The following CPA6 variants were observed in gnomAD, a reference collection of about 807,000 sequenced individuals.
CPA6 encodes the protein carboxypeptidase B.
CPA6 carries 58 observed loss-of-function variants against 63.3 expected under a neutral mutation model. The ratio of observed to expected loss-of-function variants is 0.92; its 90% CI spans 0.74 to 1.14. The LOEUF is 1.14. Ranked by LOEUF, CPA6 falls within the 50% of genes most tolerant of loss-of-function variation. CPA6 has a pLI of 0.00. For synonymous variants in CPA6, 185 were observed against 179.0 expected, an observed-to-expected ratio of 1.03 and a Z score of -0.27; for missense variants, 565 against 526.6, an observed-to-expected ratio of 1.07 and a Z score of -0.71.
chr8:67,478,201 G>A (rs1455527389), intron 8 of CPA6, among the ~76,000 whole-genome samples: 2 of 152,180 alleles, frequency 1.3e-5, no homozygotes, highest in South Asian at 2.1e-4. Context: ...ACTGGATTCC[G>A]AGAGCTCCGG....
At chr8:67,611,195 G>A (rs1338221387) in intron 2 of CPA6, among the ~76,000 whole-genome samples, 1 of 151,902 alleles carries the variant, frequency 6.6e-6, no homozygotes, top group Non-Finnish European at 1.5e-5. Context: ...TGATTCTCCT[G>A]CCTCAGCTTC....
intron 2 of CPA6, among the ~76,000 whole-genome samples, chr8:67,565,166 C>CTTTTTTTTTTTTTT (rs374295217): frequency 8.6e-6 from 1 of 115,736 alleles, no homozygotes; most frequent in African/African-American, 2.6e-5. Flanking sequence ...TTTTCTTTTT[C>CTTTTTTTTTTTTTT]TTTCTTTTTT....
chr8:67,667,920 C>T (rs1348643108), intron 1 of CPA6, among the ~76,000 whole-genome samples: 4 of 152,220 alleles, frequency 2.6e-5, no homozygotes, highest in South Asian at 4.1e-4. Context: ...TGGGCAAAAG[C>T]GAGCTTCTCA....
Position 67,589,891 on chromosome 8 carries a change from AT to A in CPA6, c.192+34284del, listed in dbSNP as rs527791595. 6.9e-3 allele frequency among the ~76,000 whole-genome samples: 1,048 copies of A among 151,534 alleles called. 9 individuals carry two copies. The highest frequency in any genetic ancestry group is 9.1e-3 in the Non-Finnish European group (618 of 67,872). On this transcript the variant is annotated intron_variant, in intron 2 of 10. Transcript: ENST00000297770. ...TAGTGTTGTTTTTATTATTATTATT[AT>A]TATTATTATATTACACTTTAAGTTT...
intron 2 of CPA6, among the ~76,000 whole-genome samples, chr8:67,551,186 C>T (rs1012471027): frequency 6.6e-6 from 1 of 152,088 alleles, no homozygotes; most frequent in Non-Finnish European, 1.5e-5. Flanking sequence ...AATCTTTAAT[C>T]CATCTTGAGC....
At chr8:67,721,053 G>T (rs35569716) in intron 1 of CPA6, among the ~76,000 whole-genome samples, 22 of 152,102 alleles carry the variant, frequency 1.4e-4, no homozygotes, top group African/African-American at 2.7e-4. Context: ...TAATACAAAG[G>T]TTCAACATTA....
At chr8:67,534,870 C>T (rs1306992846) in intron 2 of CPA6, among the ~76,000 whole-genome samples, 1 of 151,448 alleles carries the variant, frequency 6.6e-6, no homozygotes, top group Non-Finnish European at 1.5e-5. Context: ...CTCCCCTTGC[C>T]CCCCACCCCC....
intron 2 of CPA6, among the ~76,000 whole-genome samples, chr8:67,571,406 C>T (rs1301521532): frequency 1.3e-5 from 2 of 152,154 alleles, no homozygotes; most frequent in East Asian, 1.9e-4. Flanking sequence ...TACACATTCA[C>T]TTTAAGAACA....
chr8:67,515,340 T>C (rs1221041578), intron 3 of CPA6, among the ~76,000 whole-genome samples: 1 of 152,204 alleles, frequency 6.6e-6, no homozygotes, highest in Non-Finnish European at 1.5e-5. Context: ...TGCTTTTCCT[T>C]GTGCCCACTG....
chr8:67,626,012 A>G (rs1026011244), intron 1 of CPA6, among the ~76,000 whole-genome samples: 1 of 151,356 alleles, frequency 6.6e-6, no homozygotes, highest in African/African-American at 2.4e-5. Flanking sequence ...TGATGGTTTA[A>G]AAGTGTATGT....
At chr8:67,639,950 T>A (rs781489054) in intron 1 of CPA6, among the ~76,000 whole-genome samples, 2 of 151,324 alleles carry the variant, frequency 1.3e-5, no homozygotes, top group Non-Finnish European at 2.9e-5. Context: ...GGGTAGCTAC[T>A]CTCTGTAGCT....
At chr8:67,605,212 C>A (rs1484836232) in intron 2 of CPA6, among the ~76,000 whole-genome samples, 1 of 151,962 alleles carries the variant, frequency 6.6e-6, no homozygotes, top group African/African-American at 2.4e-5. Context: ...CAATGCCCAA[C>A]ATAGAGTATT....
intron 5 of CPA6, among the ~76,000 whole-genome samples, chr8:67,509,084 CAT>C (rs1811990713): frequency 1.3e-5 from 2 of 152,204 alleles, no homozygotes; most frequent in South Asian, 4.1e-4. Flanking sequence ...AACCAGATCT[CAT>C]GAGAACTCAC....
At chr8:67,595,541 T>G (rs1814304118) in intron 2 of CPA6, among the ~76,000 whole-genome samples, 1 of 152,212 alleles carries the variant, frequency 6.6e-6, no homozygotes, top group South Asian at 2.1e-4. Flanking sequence ...TCCACCCAGT[T>G]CGAGCTTCCC....
At chr8:67,632,244 C>T (rs1270163235) in intron 1 of CPA6, among the ~76,000 whole-genome samples, 1 of 151,998 alleles carries the variant, frequency 6.6e-6, no homozygotes, top group Non-Finnish European at 1.5e-5. Flanking sequence ...GATCACAGCT[C>T]ACTGTAACCT....
chr8:67,641,990 T>C (rs1815601872), intron 1 of CPA6, among the ~76,000 whole-genome samples: 1 of 152,160 alleles, frequency 6.6e-6, no homozygotes, highest in South Asian at 2.1e-4. Context: ...TAACAAAAGA[T>C]ACACAAGTTA....
intron 1 of CPA6, among the ~76,000 whole-genome samples, chr8:67,744,164 G>C (rs1291374857): frequency 6.6e-6 from 1 of 152,202 alleles, no homozygotes; most frequent in Non-Finnish European, 1.5e-5. Flanking sequence ...ATTTTTAACA[G>C]TGAATATGCT....
intron 1 of CPA6, among the ~76,000 whole-genome samples, chr8:67,743,110 T>C (rs1010531540): frequency 2.0e-5 from 3 of 152,200 alleles, no homozygotes; most frequent in African/African-American, 7.2e-5. Flanking sequence ...CCTGAAATGT[T>C]TGGCTTGGCA....
intron 8 of CPA6, chr8:67,483,168 C>T (rs1027539412): frequency 6.6e-6 from 1 of 152,536 alleles, no homozygotes; most frequent in African/African-American, 2.4e-5. Flanking sequence ...AGTAAACTAG[C>T]CATGACTAAT....
Sources: allele counts gnomAD v4.1 joint callset (sites outside exome capture counted in the v4.1 genomes callset), GRCh38; gene constraint gnomAD v4.1.1; transcripts MANE v1.5; gene names NCBI Gene and HGNC (gene_info 2026-07-23, HGNC 2026-07-21).